FARS2: variants seen among roughly 807,000 people sequenced by gnomAD.
FARS2 encodes the protein phenylalanine--tRNA ligase, mitochondrial.
A neutral mutation model predicts 46.4 loss-of-function variants in FARS2; 40 were observed. The observed-to-expected ratio is 0.86, with a 90% CI of 0.67 to 1.12. The LOEUF (loss-of-function observed/expected upper bound fraction) is 1.12. Ranked by LOEUF, FARS2 falls within the 50% of genes most tolerant of loss-of-function variation. The pLI is 0.00. For missense variants in FARS2, 513 were observed against 567.9 expected (o/e 0.90, Z 0.98); for synonymous variants, 234 against 214.9 (o/e 1.09, Z -0.78).
chr6:5,360,873 A>G (rs1469078643), intron 1 of FARS2, among the ~76,000 whole-genome samples: 1 of 152,222 alleles, frequency 6.6e-6, no homozygotes, highest in Admixed American at 6.5e-5. Context: ...TGATGTCAGT[A>G]TTCAAGACAT....
intron 2 of FARS2, among the ~76,000 whole-genome samples, chr6:5,402,207 T>C (rs1761297392): frequency 6.6e-6 from 1 of 151,870 alleles, no homozygotes; most frequent in South Asian, 2.1e-4. Context: ...ATTTTGTTTC[T>C]GAGATGATTT....
intron 5 of FARS2, among the ~76,000 whole-genome samples, chr6:5,580,549 G>C (rs1460234036): frequency 2.6e-5 from 4 of 152,152 alleles, no homozygotes; most frequent in Admixed American, 6.5e-5. Flanking sequence ...AGCAGCAGCA[G>C]CCCCCGTGTG....
chr6:5,356,510 C>T (rs539727491), intron 1 of FARS2, among the ~76,000 whole-genome samples: 2 of 152,066 alleles, frequency 1.3e-5, no homozygotes, highest in Non-Finnish European at 2.9e-5. Context: ...TAGACCTGAC[C>T]AAAGTGCTGT....
chr6:5,741,613 C>T (rs1761347181), intron 6 of FARS2, among the ~76,000 whole-genome samples: 1 of 152,202 alleles, frequency 6.6e-6, no homozygotes, highest in Admixed American at 6.5e-5. Flanking sequence ...CAACAGCCTC[C>T]TGGCCTGGCT....
intron 2 of FARS2, among the ~76,000 whole-genome samples, chr6:5,378,952 T>G (rs41504146): frequency 0.034 from 5,197 of 152,312 alleles, 143 homozygotes; most frequent in Middle Eastern, 0.054. Context: ...GAGACCCCTT[T>G]TTCTGTGGCA....
At chr6:5,561,230 A>G (rs1412153516) in intron 5 of FARS2, among the ~76,000 whole-genome samples, 2 of 152,198 alleles carry the variant, frequency 1.3e-5, no homozygotes, top group Non-Finnish European at 2.9e-5. Context: ...AAATTAGTCA[A>G]CAGTTAAGCA....
chr6:5,440,919 C>CTTTTTTTTTTTT (rs56965644), intron 4 of FARS2, among the ~76,000 whole-genome samples: 1 of 144,504 alleles, frequency 6.9e-6, no homozygotes, highest in Non-Finnish European at 1.5e-5. Context: ...CATTTTCTTT[C>CTTTTTTTTTTTT]TTTTTTTTTT....
At chr6:5,659,101 A>T (rs1379561340) in intron 6 of FARS2, among the ~76,000 whole-genome samples, 1 of 152,102 alleles carries the variant, frequency 6.6e-6, no homozygotes, top group Non-Finnish European at 1.5e-5. Context: ...AGGCTTTTCA[A>T]AGTCATATGT....
intron 1 of FARS2, 123 bp downstream of exon 1, chr6:5,261,783 C>T (rs1435889611): frequency 6.6e-6 from 1 of 152,218 alleles, no homozygotes; most frequent in Non-Finnish European, 1.5e-5. Context: ...TGAAGAGTTC[C>T]CGTGGTTTTG....
chr6:5,369,269 A>G (rs954504548), intron 2 of FARS2, 87 bp downstream of exon 2: 149 of 1,348,856 alleles, frequency 1.1e-4, no homozygotes, highest in South Asian at 4.8e-4. Context: ...TGAGACCAGC[A>G]TAGTCATCCT....
rs528185882 is a variant in FARS2, at chr6:5,331,011, C to T, written c.-21-37539C>T. Among the ~76,000 whole-genome samples the T allele has an allele frequency of 1.7e-4, 25 of 151,206 alleles. No homozygotes were observed. In the South Asian group the frequency reaches 4.2e-3, roughly 25 times the overall value. ...TCCGAGCTACTTGCGGGGCTGAAGC[C>T]GGAGAATTGTTTGAGCCCAGGAGGT... On this transcript the variant is annotated intron_variant, in intron 1 of 6. Coordinates refer to ENST00000274680, the MANE Select transcript of FARS2 (RefSeq NM_006567.5).
chr6:5,621,466 G>T (rs1469540983), intron 6 of FARS2, among the ~76,000 whole-genome samples: 1 of 152,122 alleles, frequency 6.6e-6, no homozygotes, highest in Non-Finnish European at 1.5e-5. Context: ...TAACAAGGCT[G>T]GTTAAGCCTA....
chr6:5,508,125 G>A (rs1334581576), intron 4 of FARS2, among the ~76,000 whole-genome samples: 2 of 152,212 alleles, frequency 1.3e-5, no homozygotes, highest in Admixed American at 1.3e-4. Context: ...TTCTAATGGG[G>A]AGTTATTAAC....
chr6:5,456,499 C>G (rs368363333), intron 4 of FARS2, among the ~76,000 whole-genome samples: 2 of 151,796 alleles, frequency 1.3e-5, no homozygotes, highest in African/African-American at 4.8e-5. Context: ...TTTGGGAGGC[C>G]GAGGCAGGCG....
intron 6 of FARS2, among the ~76,000 whole-genome samples, chr6:5,729,239 T>C (rs1161080785): frequency 6.6e-6 from 1 of 152,148 alleles, no homozygotes; most frequent in East Asian, 1.9e-4. Flanking sequence ...TGACTCACCT[T>C]CCTCTCGAGG....
intron 1 of FARS2, among the ~76,000 whole-genome samples, chr6:5,321,512 G>A (rs1216961459): frequency 6.6e-6 from 1 of 152,174 alleles, no homozygotes; most frequent in East Asian, 1.9e-4. Context: ...TTTGAGTGTG[G>A]CCTCTGTGCC....
chr6:5,419,649 G>A (rs1762433372), intron 3 of FARS2, among the ~76,000 whole-genome samples: 1 of 152,152 alleles, frequency 6.6e-6, no homozygotes, highest in South Asian at 2.1e-4. Flanking sequence ...ATGAGGGGAT[G>A]GAGCTGATCC....
intron 2 of FARS2, among the ~76,000 whole-genome samples, chr6:5,375,511 A>C (rs1458990292): frequency 2.0e-5 from 3 of 152,060 alleles, no homozygotes; most frequent in Non-Finnish European, 4.4e-5. Flanking sequence ...AATCCAGCGC[A>C]AATCCAACCA....
rs35048711 is a variant in FARS2 at position 5,262,002 on chromosome 6, G to A, written c.-22+342G>A. Among the ~76,000 whole-genome samples, 5 of 151,762 alleles carry A rather than the reference G, an allele frequency of 3.3e-5. No individual in the cohort carries two copies. In the South Asian group the frequency reaches 1.0e-3, roughly 31 times the overall value. On this transcript the variant is annotated intron_variant, in intron 1 of 6. Coordinates refer to ENST00000274680, the MANE Select transcript of FARS2 (RefSeq NM_006567.5). ...TTGAGCATGGCACTGGACGCAGGAAGCTTCAGCCAGTCCTAGTTACTGTGT... is the reference window on the plus strand; with the variant it reads ...TTGAGCATGGCACTGGACGCAGGAAACTTCAGCCAGTCCTAGTTACTGTGT...
Sources: gnomAD v4.1 joint callset for allele counts (sites outside exome capture counted in the v4.1 genomes callset) on GRCh38, gnomAD v4.1.1 for gene constraint, MANE v1.5 for transcripts, NCBI Gene and HGNC (gene_info 2026-07-23, HGNC 2026-07-21) for gene names.